CGAS: variants seen among roughly 807,000 people sequenced by gnomAD.
CGAS encodes the protein cyclic GMP-AMP synthase, also known as 2'3'-cGAMP synthase.
In CGAS, 31 loss-of-function variants were observed where a neutral mutation model predicts 34.0. That is an observed-to-expected ratio of 0.91 (90% confidence interval 0.69 to 1.23). The LOEUF is 1.23. Among genes scored for constraint, CGAS ranks in the 50% most tolerant of loss-of-function variants. The pLI, the probability that CGAS is intolerant of heterozygous loss-of-function variation, is 0.00. For missense variants in CGAS, 597 were observed against 657.6 expected, an observed-to-expected ratio of 0.91 and a Z score of 1.01; for synonymous variants, 266 against 260.0, an observed-to-expected ratio of 1.02 and a Z score of -0.22.
chr6:73,432,240 C>CA (rs1770206564), intron 3 of CGAS, among the ~76,000 whole-genome samples: 1 of 151,954 alleles, frequency 6.6e-6, no homozygotes, highest in Non-Finnish European at 1.5e-5. Flanking sequence ...CAGCTCACTG[C>CA]AACCTCTGCC....
At chr6:73,429,419 T>C (rs1357297062) in intron 3 of CGAS, among the ~76,000 whole-genome samples, 1 of 152,178 alleles carries the variant, frequency 6.6e-6, no homozygotes, top group Non-Finnish European at 1.5e-5. Context: ...GTTTCAATAA[T>C]AATTTGAATC....
At chr6:73,439,582 G>A (rs1770340538) in intron 3 of CGAS, among the ~76,000 whole-genome samples, 2 of 151,860 alleles carry the variant, frequency 1.3e-5, no homozygotes, top group South Asian at 2.1e-4. Context: ...AACTCAGTCT[G>A]TTTCTTGGAA....
intron 3 of CGAS, among the ~76,000 whole-genome samples, chr6:73,433,283 A>T (rs906628426): frequency 6.6e-6 from 1 of 151,280 alleles, no homozygotes; most frequent in African/African-American, 2.4e-5. Context: ...TTTAATACAG[A>T]CAGTGTCTTG....
In CGAS at chr6:73,425,135, G is replaced by A. The variant is rs754659787; in HGVS notation, c.*92C>T. On this transcript the variant is annotated 3_prime_UTR_variant, in exon 5 of 5. Transcript: ENST00000370315. ...TCCAAAGAGCTGGGATTACAGGTGT[G>A]AGCCACAGCGTCTGGCCCCTTTTCA... is the stretch of plus-strand genomic sequence containing the variant. 1.1e-4 allele frequency: 102 copies of A among 945,962 alleles called. 1 individual carries two copies. The highest frequency in any genetic ancestry group is 1.5e-4 in the Non-Finnish European group (97 of 648,646). The allele number at this position is 945,962 out of a possible 1,614,324, so 58.6% of individuals were successfully genotyped here. A position where few individuals can be genotyped will look rare whatever the true frequency, so the allele number is the denominator to read the frequency against.
At chr6:73,426,830 A>G (rs572219275) in intron 4 of CGAS, among the ~76,000 whole-genome samples, 2 of 151,856 alleles carry the variant, frequency 1.3e-5, no homozygotes, top group African/African-American at 4.8e-5. Flanking sequence ...TAGCCTTATC[A>G]ACAATATTTC....
At position 73,452,077 on chromosome 6, in the gene CGAS, G is replaced by T. The variant is rs768502066; in HGVS notation, c.105C>A (p.Thr35=). 42 of 1,567,040 alleles carry T rather than the reference G, an allele frequency of 2.7e-5. No individual in the cohort carries two copies. The highest frequency in any genetic ancestry group is 3.5e-5 in the Non-Finnish European group (40 of 1,157,404). The change falls in exon 1 of 5, where the codon ACC becomes ACA. Residue 35 remains threonine (T), a synonymous_variant. Coordinates refer to ENST00000370315, the MANE Select transcript of CGAS (RefSeq NM_138441.3). ...CGGCCTCGGGGGCAGCCGGAGACTCGGTGGGATCCATCGGGGCGCCCCTGG... is the reference window on the plus strand; with the variant it reads ...CGGCCTCGGGGGCAGCCGGAGACTCTGTGGGATCCATCGGGGCGCCCCTGG... ...RNARGAPMDP[T]ESPAAPEAAL...
intron 3 of CGAS, 38 bp from the exon 4 acceptor site, chr6:73,428,849 C>G (rs1294841268): frequency 6.5e-7 from 1 of 1,539,002 alleles, no homozygotes; most frequent in East Asian, 2.2e-5. Context: ...GCACTTTACC[C>G]AAAGCATCCA....
intron 1 of CGAS, among the ~76,000 whole-genome samples, chr6:73,450,488 C>T (rs898149781): frequency 1.3e-5 from 2 of 151,984 alleles, no homozygotes; most frequent in Admixed American, 6.6e-5. Flanking sequence ...AAACACGCTC[C>T]AGTCAGGAAC....
rs610913 is a variant in CGAS, at chr6:73,445,623, G to T, written c.782C>A (p.Pro261His). Residue 261 changes from proline (P) to histidine (H), a missense_variant, in exon 2 of 5, where the codon CCT becomes CAT. Pro to His is a moderately conservative substitution (Grantham distance 77). Around this residue, in one of 3 missense-constraint regions of CGAS, gnomAD observed 271 missense variants for 324.1 expected, o/e 0.84. Transcript: ENST00000370315. Reference sequence around the variant, plus strand: ...TTCACCTTCTAAAAACTGACTCAGAGGATTTTCTTTCGGATTTCTTTTAAA... The same window carrying T: ...TTCACCTTCTAAAAACTGACTCAGATGATTTTCTTTCGGATTTCTTTTAAA... ...VKFKRNPKEN[P>H]LSQFLEGEIL... is the part of the protein sequence containing the mutation. 0.59 allele frequency: 950,533 copies of T among 1,610,404 alleles called. 285,199 individuals are homozygous for T. The highest frequency in any genetic ancestry group is 0.63 in the South Asian group (57,333 of 90,544).
intron 3 of CGAS, chr6:73,439,778 A>AG (rs1403556684): frequency 1.8e-5 from 3 of 162,342 alleles, no homozygotes; most frequent in African/African-American, 7.2e-5. Flanking sequence ...AGAATTGGCC[A>AG]CAGAACTGCA....
In CGAS at chr6:73,428,809, C is replaced by A; in HGVS notation, c.1117G>T (p.Glu373Ter). 3 of 1,607,908 alleles carry A rather than the reference C, an allele frequency of 1.9e-6. No homozygotes were observed. Among genetic ancestry groups the A allele is most frequent in the Non-Finnish European group, 2.5e-6 (3 of 1,178,422 alleles). Residue 373 changes from glutamate (E) to a stop codon, truncating the protein, a stop_gained and splice_region_variant, in exon 4 of 5, where the codon GAA becomes TAA. Transcript: ENST00000370315. LOFTEE classifies it high-confidence loss of function. Reference protein sequence around the residue: ...HAKEGNGFQEETWRLSFSHIE... With the variant: ...HAKEGNGFQE ...TGAGAGAAGGATAGCCGCCATGTTT[C>A]TTCTTAATTTCAAAAAGAAAAACAA...
At chr6:73,444,961 G>A (rs1418246307) in intron 2 of CGAS, among the ~76,000 whole-genome samples, 1 of 152,140 alleles carries the variant, frequency 6.6e-6, no homozygotes, top group Non-Finnish European at 1.5e-5. Context: ...GGGAAGGACT[G>A]AGGCAAAACA....
chr6:73,441,478 A>G (rs1290616372), intron 2 of CGAS, among the ~76,000 whole-genome samples: 2 of 152,218 alleles, frequency 1.3e-5, no homozygotes, highest in African/African-American at 4.8e-5. Context: ...TGAGGCTACG[A>G]TGTGAGGAGG....
intron 4 of CGAS, among the ~76,000 whole-genome samples, chr6:73,426,219 G>A (rs1184389601): frequency 2.0e-5 from 3 of 151,548 alleles, no homozygotes; most frequent in South Asian, 2.1e-4. Context: ...GGAGGCAGAG[G>A]TTGCAGTGAG....
At position 73,451,860 on chromosome 6, in the gene CGAS, G is replaced by C. The variant is rs769416693; in HGVS notation, c.322C>G (p.Pro108Ala). ...GAAAGAGCCGGCTCCCGAGCCGCAG[G>C]AGGCTCCAGCCCCTCTGCCCCAGGG... Reference protein sequence around the residue: ...SAPGAEGLEPPAAREPALSRA... With the variant: ...SAPGAEGLEPAAAREPALSRA... The change falls in exon 1 of 5, where the codon CCT becomes GCT. Residue 108 changes from proline (P) to alanine (A), a missense_variant. Pro to Ala is a conservative substitution (Grantham distance 27, BLOSUM62 -1). Coordinates refer to ENST00000370315, the MANE Select transcript of CGAS (RefSeq NM_138441.3). 1 of 1,549,708 alleles carries C rather than the reference G, an allele frequency of 6.5e-7. No individual in the cohort carries two copies. The highest frequency in any genetic ancestry group is 8.7e-7 in the Non-Finnish European group (1 of 1,146,884).
intron 2 of CGAS, among the ~76,000 whole-genome samples, chr6:73,442,832 T>C (rs1166160991): frequency 2.0e-5 from 3 of 151,670 alleles, no homozygotes; most frequent in South Asian, 2.1e-4. Flanking sequence ...CTCCTGACCT[T>C]GTGATCCGCC....
rs185857436 is a variant in CGAS, at chr6:73,429,615, G to A, written c.1115-804C>T. ...GCCAAGGTGGGCGGATCACAAGGTC[G>A]GGAGATCAAGACCATCCTGGCTAAC... On this transcript the variant is annotated intron_variant, in intron 3 of 4. Transcript: ENST00000370315. 2.4e-3 allele frequency among the ~76,000 whole-genome samples: 372 copies of A among 151,838 alleles called. 2 individuals are homozygous for A. The highest frequency in any genetic ancestry group is 0.01 in the Middle Eastern group (3 of 290).
chr6:73,451,885 G>T lies in CGAS; in HGVS notation c.297C>A (p.Ala99=). ...GAGGCTCCAGCCCCTCTGCCCCAGG[G>T]GCGCTGGTGGCGTCAGACGGCTGCG... ...QDTQPSDATS[A]PGAEGLEPPA... is the part of the protein sequence containing the mutation. The change falls in exon 1 of 5, where the codon GCC becomes GCA. Residue 99 remains alanine, a synonymous_variant. Coordinates refer to ENST00000370315, the MANE Select transcript of CGAS (RefSeq NM_138441.3). 6.5e-7 allele frequency: 1 copy of T among 1,538,248 alleles called. No homozygotes were observed.
chr6:73,449,476 AACACACACAC>A (rs144519687), intron 1 of CGAS, among the ~76,000 whole-genome samples: 2 of 142,808 alleles, frequency 1.4e-5, no homozygotes, highest in Non-Finnish European at 3.0e-5. Context: ...CTCTGTCTCA[AACACACACAC>A]ACACACACAC....
Sources: allele counts gnomAD v4.1 joint callset (sites outside exome capture counted in the v4.1 genomes callset), GRCh38; gene constraint gnomAD v4.1.1; regional missense constraint gnomAD v4.1.1; transcripts MANE v1.5; gene names NCBI Gene and HGNC (gene_info 2026-07-23, HGNC 2026-07-21).